Variants in ALK observed in about 807,000 individuals in gnomAD.
ALK encodes the protein ALK receptor tyrosine kinase, also known as ALK tyrosine kinase receptor.
ALK carries 74 observed loss-of-function variants against 163.1 expected under a neutral mutation model. The observed-to-expected ratio is 0.45, with a 90% CI of 0.38 to 0.55. The LOEUF is 0.55. ALK is among the 20% of genes least tolerant of loss of function. The pLI is 0.00. For synonymous variants in ALK, 960 were observed against 843.2 expected (o/e 1.14, Z -2.40); for missense variants, 2,063 against 2,105.3 (o/e 0.98, Z 0.39).
At chr2:29,637,787 G>GTGAT (rs912320563) in intron 3 of ALK, among the ~76,000 whole-genome samples, 2 of 150,678 alleles carry the variant, frequency 1.3e-5, no homozygotes, top group African/African-American at 4.9e-5. Flanking sequence ...TATCATGGTT[G>GTGAT]TGATATCACA....
At chr2:29,533,253 A>G (rs4503952) in intron 3 of ALK, among the ~76,000 whole-genome samples, 146,900 of 152,306 alleles carry the variant, frequency 0.96, 71,088 homozygotes, top group East Asian at 1. Flanking sequence ...TACAACTGTC[A>G]TAAATAATCT....
intron 3 of ALK, among the ~76,000 whole-genome samples, chr2:29,562,214 A>G (rs934608388): frequency 6.6e-6 from 1 of 152,156 alleles, no homozygotes; most frequent in Non-Finnish European, 1.5e-5. Context: ...ATTGTTAGAC[A>G]TGTCTTTCCC....
intron 4 of ALK, among the ~76,000 whole-genome samples, chr2:29,526,277 A>C (rs1298480093): frequency 6.6e-6 from 1 of 152,170 alleles, no homozygotes; most frequent in Non-Finnish European, 1.5e-5. Context: ...AGAGATTCTG[A>C]GACTTGTCCA....
chr2:29,537,075 G>A (rs532941212), intron 3 of ALK, among the ~76,000 whole-genome samples: 6 of 152,326 alleles, frequency 3.9e-5, no homozygotes, highest in African/African-American at 1.4e-4. Context: ...GTAAGGGTTT[G>A]GAAAATTTGC....
At chr2:29,876,298 T>C (rs1666703101) in intron 1 of ALK, among the ~76,000 whole-genome samples, 2 of 152,238 alleles carry the variant, frequency 1.3e-5, no homozygotes, top group East Asian at 1.9e-4. Flanking sequence ...ATGACAGTGG[T>C]GATGACAGTG....
intron 5 of ALK, among the ~76,000 whole-genome samples, chr2:29,350,522 C>G (rs753276236): frequency 6.6e-6 from 1 of 152,152 alleles, no homozygotes; most frequent in East Asian, 1.9e-4. Flanking sequence ...GCCACTGGCT[C>G]TGGTCTTGCT....
intron 3 of ALK, among the ~76,000 whole-genome samples, chr2:29,685,835 G>T (rs114864559): frequency 0.015 from 2,323 of 152,302 alleles, 27 homozygotes; most frequent in Non-Finnish European, 0.022. Flanking sequence ...ATGAGCTTCT[G>T]GGTAGAATCC....
At chr2:29,815,921 G>A (rs1370392268) in intron 1 of ALK, among the ~76,000 whole-genome samples, 2 of 152,180 alleles carry the variant, frequency 1.3e-5, no homozygotes, top group Non-Finnish European at 2.9e-5. Flanking sequence ...TTGAAAGGAG[G>A]CAAATAGCTT....
intron 5 of ALK, among the ~76,000 whole-genome samples, chr2:29,335,823 T>A (rs138530905): frequency 1.2e-4 from 19 of 152,282 alleles, no homozygotes; most frequent in Middle Eastern, 3.4e-3. Context: ...GTGGATTGCT[T>A]GTGGTCAGGA....
intron 3 of ALK, among the ~76,000 whole-genome samples, chr2:29,651,829 T>C (rs904159828): frequency 1.6e-4 from 24 of 152,200 alleles, no homozygotes; most frequent in South Asian, 4.1e-4. Context: ...TGCATTGCAA[T>C]TGAATCTTAT....
At chr2:29,695,451 C>G (rs1184233444) in intron 2 of ALK, among the ~76,000 whole-genome samples, 4 of 152,280 alleles carry the variant, frequency 2.6e-5, no homozygotes, top group African/African-American at 9.6e-5. Flanking sequence ...AATTCCCTCA[C>G]CTGTACATTA....
chr2:29,624,531 G>A (rs1676136798), intron 3 of ALK, among the ~76,000 whole-genome samples: 1 of 152,246 alleles, frequency 6.6e-6, no homozygotes, highest in South Asian at 2.1e-4. Context: ...GCAAGGTAAG[G>A]AAGAACTGCA....
At chr2:29,745,892 T>C (rs1219040428) in intron 1 of ALK, among the ~76,000 whole-genome samples, 1 of 152,218 alleles carries the variant, frequency 6.6e-6, no homozygotes, top group Non-Finnish European at 1.5e-5. Context: ...CCCTGAGATC[T>C]GTAGAGCTTC....
chr2:29,422,743 A>G (rs1450297638), intron 4 of ALK, among the ~76,000 whole-genome samples: 2 of 152,174 alleles, frequency 1.3e-5, no homozygotes, highest in Non-Finnish European at 1.5e-5. Flanking sequence ...CATCTAAAGA[A>G]AGGAAGCATT....
intron 6 of ALK, among the ~76,000 whole-genome samples, chr2:29,321,860 C>T (rs1052252880): frequency 2.6e-5 from 4 of 152,236 alleles, no homozygotes; most frequent in Non-Finnish European, 1.5e-5. Flanking sequence ...AAGGGCACGT[C>T]ATCTTTTTCT....
intron 25 of ALK, among the ~76,000 whole-genome samples, chr2:29,209,123 A>C (rs1669393504): frequency 8.7e-6 from 1 of 114,800 alleles, no homozygotes; most frequent in Non-Finnish European, 1.6e-5. Context: ...ATTCCTGAGT[A>C]CTGAGGAGTT....
At chr2:29,763,041 C>T (rs1048756865) in intron 1 of ALK, among the ~76,000 whole-genome samples, 2 of 148,334 alleles carry the variant, frequency 1.3e-5, no homozygotes, top group Non-Finnish European at 3.0e-5. Context: ...GAGCCGAGAT[C>T]GCGCCACTGC....
chr2:29,214,395 CT>C (rs1332113548), intron 23 of ALK, among the ~76,000 whole-genome samples: 1 of 152,146 alleles, frequency 6.6e-6, no homozygotes. Context: ...AGCAGGTGTT[CT>C]TTCCCTTTTA....
chr2:29,209,871 C>A lies in ALK; in HGVS notation c.3751G>T (p.Ala1251Ser), dbSNP rs2148155379. ...CAGGTCAAGAGGCAGTTTCTGGCAG[C>A]AATGTCTCTGGGAAGAAAGGAAATG... The part of the protein sequence containing the change: ...EENHFIHRDI[A>S]ARNCLLTCPG... Residue 1251 changes from alanine (A) to serine (S), a missense_variant, in exon 25 of 29, where the codon GCT becomes TCT. This residue lies in a region of ALK where 83 missense variants were observed against 139.7 expected (regional missense o/e 0.59). Coordinates refer to ENST00000389048, the MANE Select transcript of ALK (RefSeq NM_004304.5). 6.2e-7 allele frequency: 1 copy of A among 1,614,026 alleles called. No homozygotes were observed.
Sources: allele counts gnomAD v4.1 joint callset (sites outside exome capture counted in the v4.1 genomes callset), GRCh38; gene constraint gnomAD v4.1.1; regional missense constraint gnomAD v4.1.1; transcripts MANE v1.5; gene names NCBI Gene and HGNC (gene_info 2026-07-23, HGNC 2026-07-21).